The following THOP1 variants were observed in gnomAD, a reference collection of about 807,000 sequenced individuals.
THOP1 encodes thimet oligopeptidase 1.
A neutral mutation model predicts 71.8 loss-of-function variants in THOP1; 49 were observed. That is an observed-to-expected ratio of 0.68 (90% CI 0.54 to 0.87). THOP1 has a LOEUF of 0.87. THOP1 is among the 40% of genes least tolerant of loss of function. The probability of loss-of-function intolerance (pLI) is 0.00; values close to 1 mark genes in which losing one functional copy is unlikely to be tolerated. For synonymous variants in THOP1, 426 were observed against 421.5 expected (o/e 1.01, Z -0.13); for missense variants, 843 against 975.6 (o/e 0.86, Z 1.81).
At chr19:2,796,315 C>A in intron 4 of THOP1, 127 bp downstream of exon 4, 1 of 736,548 alleles carries the variant, frequency 1.4e-6, no homozygotes, top group Non-Finnish European at 2.2e-6. Context: ...GAGTGCTGGG[C>A]TCGGGGAGTG....
chr19:2,790,169 C>T (rs1202759262), intron 1 of THOP1, among the ~76,000 whole-genome samples: 3 of 152,164 alleles, frequency 2.0e-5, no homozygotes, highest in Non-Finnish European at 4.4e-5. Flanking sequence ...ACCCACTCCA[C>T]GCCAGGAGCA....
chr19:2,803,361 C>T lies in THOP1; in HGVS notation c.590-1655C>T, dbSNP rs547141755. Among the ~76,000 whole-genome samples the T allele has an allele frequency of 3.9e-5, 6 of 152,302 alleles. No homozygotes were observed. In the East Asian group the frequency reaches 9.6e-4, roughly 24 times the overall value. On this transcript the variant is annotated intron_variant, in intron 5 of 12. Transcript: ENST00000307741. Reference sequence around the variant, plus strand: ...GCACACACCTGAGGTCCCAGCCACTCGGGAGGCTGAGGCAGGGGGATTGCT... The same window carrying T: ...GCACACACCTGAGGTCCCAGCCACTTGGGAGGCTGAGGCAGGGGGATTGCT...
intron 2 of THOP1, among the ~76,000 whole-genome samples, chr19:2,791,174 C>CTT (rs1183418996): frequency 6.6e-6 from 1 of 152,222 alleles, no homozygotes; most frequent in Non-Finnish European, 1.5e-5. Context: ...TCCTCCTCTC[C>CTT]TTGGGGTCCC....
chr19:2,786,255 C>T (rs1915738926), intron 1 of THOP1, among the ~76,000 whole-genome samples: 1 of 152,060 alleles, frequency 6.6e-6, no homozygotes, highest in African/African-American at 2.4e-5. Context: ...ACGAGGGGAC[C>T]TTTTAATTTT....
chr19:2,810,837 G>A, intron 11 of THOP1, 69 bp downstream of exon 11: 1 of 1,539,076 alleles, frequency 6.5e-7, no homozygotes, highest in Non-Finnish European at 8.7e-7. Context: ...AAGGTGAAGG[G>A]AGTTGGTCCC....
At position 2,813,186 on chromosome 19, in the gene THOP1, C is replaced by T. The variant is rs139640399; in HGVS notation, c.1980C>T (p.Arg660=). Residue 660 remains arginine (R), a synonymous_variant, in exon 13 of 13, where the codon CGC becomes CGT. Coordinates refer to ENST00000307741, the MANE Select transcript of THOP1 (RefSeq NM_003249.5). The part of the protein sequence containing the change: ...GSEDASAMLR[R]FLGRDPKQDA... ...AGGATGCCAGCGCCATGCTGAGGCGCTTCCTGGGCCGTGACCCCAAGCAGG... is the reference window on the plus strand; with the variant it reads ...AGGATGCCAGCGCCATGCTGAGGCGTTTCCTGGGCCGTGACCCCAAGCAGG... 6.2e-7 allele frequency: 1 copy of T among 1,612,492 alleles called. No homozygotes were observed. The highest frequency in any genetic ancestry group is 1.3e-5 in the African/African-American group (1 of 75,044).
intron 6 of THOP1, chr19:2,806,697 A>G: frequency 1.5e-6 from 1 of 688,270 alleles, no homozygotes; most frequent in Non-Finnish European, 2.3e-6. Context: ...GTGAGGCCTT[A>G]GAGTCATCTG....
At chr19:2,786,580 G>T (rs556499530) in intron 1 of THOP1, among the ~76,000 whole-genome samples, 1 of 151,930 alleles carries the variant, frequency 6.6e-6, no homozygotes, top group Non-Finnish European at 1.5e-5. Flanking sequence ...TGTGACCTGT[G>T]TACTGTTTAT....
At chr19:2,787,845 G>C (rs1915785397) in intron 1 of THOP1, among the ~76,000 whole-genome samples, 1 of 152,190 alleles carries the variant, frequency 6.6e-6, no homozygotes, top group Admixed American at 6.5e-5. Flanking sequence ...GCCCAGGACA[G>C]CTCCACCCCA....
chr19:2,789,041 G>A (rs747509068), intron 1 of THOP1, among the ~76,000 whole-genome samples: 1 of 152,194 alleles, frequency 6.6e-6, no homozygotes, highest in Non-Finnish European at 1.5e-5. Flanking sequence ...GATTACAGGC[G>A]TGAGCCACCG....
intron 2 of THOP1, among the ~76,000 whole-genome samples, chr19:2,793,167 C>T (rs1300667721): frequency 6.6e-6 from 1 of 151,680 alleles, no homozygotes; most frequent in Non-Finnish European, 1.5e-5. Flanking sequence ...AGCAGCGAAA[C>T]TCTGTCTCAA....
intron 9 of THOP1, 97 bp from the exon 10 acceptor site, chr19:2,810,207 T>C: frequency 7.2e-7 from 1 of 1,397,266 alleles, no homozygotes; most frequent in Non-Finnish European, 9.6e-7. Context: ...ACCTGTGCAC[T>C]CGCCCTGTTT....
In THOP1 at chr19:2,811,772, G is replaced by A. The variant is rs61579631; in HGVS notation, c.1908+38G>A. 1.0e-3 allele frequency: 1,544 copies of A among 1,522,778 alleles called. 26 individuals are homozygous for A. The highest frequency in any genetic ancestry group is 7.8e-4 in the Middle Eastern group (4 of 5,158). 94.3% of individuals were successfully genotyped at this position (1,522,778 alleles called of 1,614,324 possible). On this transcript the variant is annotated intron_variant, in intron 12 of 12. Transcript: ENST00000307741. ...TGGGGACAGGGAGGGCGTCCTGAAC[G>A]GCAAGGTACGCGGGGACTGGGGACA...
intron 1 of THOP1, among the ~76,000 whole-genome samples, chr19:2,788,531 T>C (rs2144755576): frequency 6.6e-6 from 1 of 152,240 alleles, no homozygotes; most frequent in African/African-American, 2.4e-5. Flanking sequence ...CAGGCTGGAG[T>C]GCAGTGCTAC....
chr19:2,795,506 A>T lies in THOP1; in HGVS notation c.379-575A>T, dbSNP rs1321810991. ...CCCTGGGAATGTGCTGATGTGTCCC[A>T]CAGTCTCAGGATCATGCAGCCCTAG... On this transcript the variant is annotated intron_variant, in intron 3 of 12. Transcript: ENST00000307741. 2.0e-5 allele frequency among the ~76,000 whole-genome samples: 3 copies of T among 152,248 alleles called. No individual in the cohort carries two copies. The East Asian group carries it at 5.8e-4, about 29-fold the overall frequency.
At chr19:2,788,261 A>C (rs1915797531) in intron 1 of THOP1, among the ~76,000 whole-genome samples, 1 of 152,160 alleles carries the variant, frequency 6.6e-6, no homozygotes, top group South Asian at 2.1e-4. Flanking sequence ...CAGAACTAGC[A>C]ACTGGCAGAG....
At chr19:2,791,049 G>A (rs1000667390) in intron 2 of THOP1, among the ~76,000 whole-genome samples, 3 of 152,218 alleles carry the variant, frequency 2.0e-5, no homozygotes, top group Non-Finnish European at 2.9e-5. Flanking sequence ...CCGGGAAGGC[G>A]GGTATTTGTT....
Position 2,808,188 on chromosome 19 carries a change from G to A in THOP1, c.1254-55G>A, listed in dbSNP as rs2144780726. The A allele has an allele frequency of 1.1e-5, 16 of 1,523,306 alleles. 1 individual carries two copies. Among genetic ancestry groups the A allele is most frequent in the Middle Eastern group, 2.2e-4 (1 of 4,538 alleles). The allele number at this position is 1,523,306 out of a possible 1,614,324, so 94.4% of individuals were successfully genotyped here. ...GGTGGGCTGAGGGATGCGGAGTCAG[G>A]GACTCTTGCGGTGTCTCTAGTCCCT... On this transcript the variant is annotated intron_variant, in intron 8 of 12. Transcript: ENST00000307741.
intron 1 of THOP1, among the ~76,000 whole-genome samples, chr19:2,787,565 T>C (rs1915776989): frequency 6.6e-6 from 1 of 152,254 alleles, no homozygotes; most frequent in South Asian, 2.1e-4. Context: ...AGTCCCTTTT[T>C]TGCAGTTCTA....
Sources: allele counts gnomAD v4.1 joint callset (sites outside exome capture counted in the v4.1 genomes callset), GRCh38; gene constraint gnomAD v4.1.1; transcripts MANE v1.5; gene names NCBI Gene and HGNC (gene_info 2026-07-23, HGNC 2026-07-21).